The following FANCA variants were observed in gnomAD, a reference collection of about 807,000 sequenced individuals.
The protein encoded by FANCA is Fanconi anemia group A protein.
Under a neutral mutation model 194.3 loss-of-function variants are expected in FANCA, and 236 were observed. The observed-to-expected ratio is 1.21, with a 90% confidence interval of 1.09 to 1.35. The LOEUF (loss-of-function observed/expected upper bound fraction) is 1.35. Ranked by LOEUF, FANCA falls within the 40% of genes most tolerant of loss-of-function variation. The pLI is 0.00. For synonymous variants in FANCA, 1,014 were observed against 715.8 expected, an observed-to-expected ratio of 1.42 and a Z score of -6.65; for missense variants, 2,628 against 1,813.9, an observed-to-expected ratio of 1.45 and a Z score of -8.15.
At chr16:89,796,120 G>A in intron 10 of FANCA, 102 bp from the exon 11 acceptor site, 1 of 871,254 alleles carries the variant, frequency 1.1e-6, no homozygotes, top group Non-Finnish European at 1.9e-6. Context: ...CCTTCTTTAA[G>A]CAAGGAAGGG....
chr16:89,807,537 G>A (rs1348493085), intron 6 of FANCA, among the ~76,000 whole-genome samples: 1 of 151,822 alleles, frequency 6.6e-6, no homozygotes, highest in South Asian at 2.1e-4. Context: ...ATCACCTGAG[G>A]TTAGGAGTTT....
chr16:89,755,834 C>A (rs896741880), intron 30 of FANCA, among the ~76,000 whole-genome samples: 7 of 152,014 alleles, frequency 4.6e-5, no homozygotes, highest in African/African-American at 1.7e-4. Context: ...CAGAGCCCCC[C>A]GCACACCTAG....
At position 89,792,651 on chromosome 16, in the gene FANCA, C is replaced by T. The variant is rs75682340; in HGVS notation, c.1007-104G>A. The T allele has an allele frequency of 2.5e-3, 2,185 of 886,868 alleles. 33 individuals are homozygous for T. In the African/African-American group the frequency reaches 0.03, roughly 12 times the overall value. The allele number at this position is 886,868 out of a possible 1,614,324, so 54.9% of individuals were successfully genotyped here. A position where few individuals can be genotyped will look rare whatever the true frequency, so the allele number is the denominator to read the frequency against. The stretch of plus-strand genomic sequence containing the variant: ...GGGTCGGTGGGTCTCTCCCCGTGTG[C>T]GGCGACGAGAGAGTGTAGAAAGAAA... On this transcript the variant is annotated intron_variant, in intron 11 of 42. Coordinates refer to ENST00000389301, the MANE Select transcript of FANCA (RefSeq NM_000135.4).
chr16:89,779,017 A>G lies in FANCA; in HGVS notation c.1716-14T>C, dbSNP rs1427404302. On this transcript the variant is annotated splice_polypyrimidine_tract_variant and intron_variant, in intron 18 of 42. Transcript: ENST00000389301. ...CTCCTGAATATGCTGCAACACAGAG[A>G]AGCAGACAGTGCATCAGTCAGAGCA... 6 of 1,612,640 alleles carry G rather than the reference A, an allele frequency of 3.7e-6. No individual in the cohort carries two copies. Among genetic ancestry groups the G allele is most frequent in the Non-Finnish European group, 4.2e-6 (5 of 1,179,810 alleles).
intron 10 of FANCA, chr16:89,798,956 G>A (rs2040344050): frequency 5.6e-6 from 9 of 1,611,862 alleles, no homozygotes; most frequent in East Asian, 4.5e-5. Context: ...CGCACCTTCC[G>A]ACCTCATCCT....
intron 2 of FANCA, among the ~76,000 whole-genome samples, chr16:89,815,540 G>A (rs1263985143): frequency 2.0e-5 from 3 of 151,930 alleles, no homozygotes; most frequent in Middle Eastern, 6.8e-3. Context: ...ATTTTCAGTA[G>A]AGACCGGGTT....
intron 14 of FANCA, among the ~76,000 whole-genome samples, chr16:89,787,949 C>T (rs1434061826): frequency 1.3e-5 from 2 of 151,880 alleles, no homozygotes; most frequent in East Asian, 3.9e-4. Flanking sequence ...TCTTGGCTCA[C>T]TGCAACCTGC....
intron 30 of FANCA, among the ~76,000 whole-genome samples, chr16:89,754,711 A>G (rs2143190232): frequency 6.6e-6 from 1 of 152,290 alleles, no homozygotes; most frequent in Non-Finnish European, 1.5e-5. Context: ...AATCGATACA[A>G]AAACACTCTT....
rs71137673 is a variant in FANCA, at chr16:89,759,318, T to TAAAAAAAAAAAAAA, written c.2853-627_2853-614dup. Among the ~76,000 whole-genome samples the TAAAAAAAAAAAAAA allele has an allele frequency of 1.1e-4, 8 of 75,202 alleles. 1 individual carries two copies. Among genetic ancestry groups the TAAAAAAAAAAAAAA allele is most frequent in the Admixed American group, 1.6e-4 (1 of 6,138 alleles). 49.3% of individuals were successfully genotyped at this position (75,202 alleles called of 152,430 possible). On this transcript the variant is annotated intron_variant, in intron 29 of 42. Transcript: ENST00000389301. ...TTGGGCAACAGAGCGAGACTCCGTC[T>TAAAAAAAAAAAAAA]AAAAAAAAAAAAAAAAAAAAAAAAA...
chr16:89,785,445 C>A (rs1321249351), intron 14 of FANCA, among the ~76,000 whole-genome samples: 1 of 152,170 alleles, frequency 6.6e-6, no homozygotes, highest in African/African-American at 2.4e-5. Context: ...CACCAGTGGA[C>A]AGATCACTGC....
intron 30 of FANCA, among the ~76,000 whole-genome samples, chr16:89,757,247 A>G (rs2038797488): frequency 6.6e-6 from 1 of 152,094 alleles, no homozygotes; most frequent in Admixed American, 6.6e-5. Flanking sequence ...GGCATGAGCC[A>G]CTGCGCCCAG....
At chr16:89,775,904 CAT>C (rs1252751644) in intron 20 of FANCA, 89 bp from the exon 21 acceptor site, 9 of 799,656 alleles carry the variant, frequency 1.1e-5, no homozygotes, top group East Asian at 9.0e-5. Flanking sequence ...AAAATAAAAA[CAT>C]ATTAAATTTA....
chr16:89,760,773 A>T (rs1170383272), intron 29 of FANCA, among the ~76,000 whole-genome samples: 1 of 151,718 alleles, frequency 6.6e-6, no homozygotes, highest in Non-Finnish European at 1.5e-5. Context: ...AGTCTGCACC[A>T]CCTGCTCCAC....
chr16:89,815,604 C>T (rs1409863070), intron 2 of FANCA, among the ~76,000 whole-genome samples: 3 of 152,132 alleles, frequency 2.0e-5, no homozygotes, highest in Non-Finnish European at 4.4e-5. Context: ...GATCCACCCG[C>T]CTTGGCCTCC....
chr16:89,746,871 C>A lies in FANCA; in HGVS notation c.3368G>T (p.Gly1123Val), dbSNP rs2143109394. The change falls in exon 34 of 43, where the codon GGA (glycine) becomes GTA (valine). Residue 1123 changes from glycine to valine, a missense_variant. Coordinates refer to ENST00000389301, the MANE Select transcript of FANCA (RefSeq NM_000135.4). ...NSEMRNFCSH[G>V]GALTQDITAH... Reference sequence around the variant, plus strand: ...AGTGATGTCCTGTGTCAGGGCACCTCCGTGGGAGCAGAAGTTTCTCTGCAA... The same window carrying A: ...AGTGATGTCCTGTGTCAGGGCACCTACGTGGGAGCAGAAGTTTCTCTGCAA... 5 of 1,559,458 alleles carry A rather than the reference C, an allele frequency of 3.2e-6. No individual in the cohort carries two copies. The South Asian group carries it at 4.7e-5, about 15-fold the overall frequency.
At chr16:89,784,348 G>C (rs867742291) in intron 15 of FANCA, among the ~76,000 whole-genome samples, 3 of 145,204 alleles carry the variant, frequency 2.1e-5, no homozygotes, top group Admixed American at 7.1e-5. Flanking sequence ...TCTAGCCTAG[G>C]CAACAGAGTG....
rs917010763 is a variant in FANCA, at chr16:89,739,504, G to A, written c.3984C>T (p.Thr1328=). ...TGTAAAAAGCGAAAGGCAGCAGCCT[G>A]GTGTGCTGATCCGGGGCCACACGGA... is the stretch of plus-strand genomic sequence containing the variant. ...LLLRVAPDQH[T]RLLPFAFYSL... is the part of the protein sequence containing the mutation. Residue 1328 remains threonine, a synonymous_variant, in exon 40 of 43, where the codon ACC becomes ACT. Transcript: ENST00000389301. 1 of 1,551,436 alleles carries A rather than the reference G, an allele frequency of 6.4e-7. No individual in the cohort carries two copies. Among genetic ancestry groups the A allele is most frequent in the African/African-American group, 1.4e-5 (1 of 73,184 alleles).
At chr16:89,816,052 C>T (rs1206189738) in intron 1 of FANCA, 66 bp from the exon 2 acceptor site, 2 of 1,201,902 alleles carry the variant, frequency 1.7e-6, no homozygotes, top group East Asian at 4.7e-5. Flanking sequence ...CGGCCCGACG[C>T]GCAGGTGGAC....
At chr16:89,753,778 G>C (rs1361634870) in intron 30 of FANCA, among the ~76,000 whole-genome samples, 1 of 152,206 alleles carries the variant, frequency 6.6e-6, no homozygotes, top group African/African-American at 2.4e-5. Flanking sequence ...ACTGGGGACA[G>C]ACACGGTGGC....
Sources: gnomAD v4.1 joint callset for allele counts (sites outside exome capture counted in the v4.1 genomes callset) on GRCh38, gnomAD v4.1.1 for gene constraint, MANE v1.5 for transcripts, NCBI Gene and HGNC (gene_info 2026-07-23, HGNC 2026-07-21) for gene names.